SLC12A6: variants seen among roughly 807,000 people sequenced by gnomAD.
SLC12A6 encodes the protein solute carrier family 12 member 6, also known as K-Cl cotransporter 3.
Under a neutral mutation model 135.3 loss-of-function variants are expected in SLC12A6, and 66 were observed. The ratio of observed to expected loss-of-function variants is 0.49; its 90% CI spans 0.40 to 0.60. SLC12A6 has a LOEUF of 0.60. Among genes scored for constraint, SLC12A6 ranks in the 20% least tolerant of loss-of-function variants. The pLI, the probability that SLC12A6 is intolerant of heterozygous loss-of-function variation, is 0.00. For synonymous variants in SLC12A6, 513 were observed against 508.8 expected (o/e 1.01, Z -0.11); for missense variants, 1,058 against 1,452.3 (o/e 0.73, Z 4.41).
chr15:34,296,368 A>C (rs1003767429), intron 2 of SLC12A6, among the ~76,000 whole-genome samples: 31 of 152,176 alleles, frequency 2.0e-4, no homozygotes, highest in Non-Finnish European at 2.9e-5. Context: ...CCTGTGATAC[A>C]GATAGGAAAT....
At chr15:34,290,684 G>C (rs1895455960) in intron 2 of SLC12A6, among the ~76,000 whole-genome samples, 1 of 152,172 alleles carries the variant, frequency 6.6e-6, no homozygotes, top group African/African-American at 2.4e-5. Flanking sequence ...ATACATTTAG[G>C]ATAGTTAGCT....
rs1211726520 is a variant in SLC12A6 at position 34,235,171 on chromosome 15, G to A, written c.3361+10C>T. 1 of 1,613,296 alleles carries A rather than the reference G, an allele frequency of 6.2e-7. No homozygotes were observed. Among genetic ancestry groups the A allele is most frequent in the Non-Finnish European group, 8.5e-7 (1 of 1,179,370 alleles). ...TTCCCTACTGGAAGCCCCACTCTTG[G>A]AAAGGATACAGTTTTCATCACCCTC... On this transcript the variant is annotated intron_variant, in intron 25 of 25. Transcript: ENST00000354181.
chr15:34,266,372 T>C (rs1254468630), intron 3 of SLC12A6, among the ~76,000 whole-genome samples: 1 of 152,120 alleles, frequency 6.6e-6, no homozygotes, highest in Non-Finnish European at 1.5e-5. Flanking sequence ...CAAGAAGGCA[T>C]GACAGTTTTG....
chr15:34,236,894 A>C, intron 22 of SLC12A6, 79 bp from the exon 23 acceptor site: 1 of 824,588 alleles, frequency 1.2e-6, no homozygotes, highest in Non-Finnish European at 2.1e-6. Context: ...ATTTCCAGTC[A>C]CTAAATTAAA....
At chr15:34,278,632 C>A (rs1015349970) in intron 2 of SLC12A6, among the ~76,000 whole-genome samples, 1 of 151,882 alleles carries the variant, frequency 6.6e-6, no homozygotes. Flanking sequence ...AGTGCAGTAG[C>A]GCGATCTCGG....
intron 22 of SLC12A6, 24 bp downstream of exon 22, chr15:34,237,395 G>A (rs1201887173): frequency 1.9e-6 from 3 of 1,600,450 alleles, no homozygotes; most frequent in African/African-American, 1.3e-5. Context: ...TGAACCTCTT[G>A]TATCTCAAAC....
At chr15:34,280,873 T>C (rs1894628825) in intron 2 of SLC12A6, among the ~76,000 whole-genome samples, 1 of 152,138 alleles carries the variant, frequency 6.6e-6, no homozygotes, top group Admixed American at 6.6e-5. Context: ...AATCCTATCA[T>C]TCATAGCAAC....
Position 34,230,809 on chromosome 15 carries a change from C to G in SLC12A6, c.*3072G>C, listed in dbSNP as rs1009025986. On this transcript the variant is annotated 3_prime_UTR_variant, in exon 26 of 26. Transcript: ENST00000354181. The stretch of plus-strand genomic sequence containing the variant: ...CATGAATATAAATCTGGCCTAATAA[C>G]CAGTTTTCCATGTAACAGTGATTTT... The G allele has an allele frequency of 1.3e-5, 2 of 152,504 alleles. No individual in the cohort carries two copies. The highest frequency in any genetic ancestry group is 4.8e-5 in the African/African-American group (2 of 41,386). The allele number at this position is 152,504 out of a possible 1,614,324, so 9.4% of individuals were successfully genotyped here. A position where few individuals can be genotyped will look rare whatever the true frequency, so the allele number is the denominator to read the frequency against.
chr15:34,334,070 C>CA (rs142330391), intron 2 of SLC12A6, among the ~76,000 whole-genome samples: 1,466 of 79,812 alleles, frequency 0.018, 9 homozygotes, highest in Middle Eastern at 0.024. Context: ...AACTCCATCT[C>CA]AAAAAAAAAA....
intron 2 of SLC12A6, among the ~76,000 whole-genome samples, chr15:34,308,892 C>CAT (rs1271381812): frequency 6.6e-6 from 1 of 152,150 alleles, no homozygotes; most frequent in Non-Finnish European, 1.5e-5. Flanking sequence ...CAAATAATTA[C>CAT]ATATATGTTT....
Position 34,229,910 on chromosome 15 carries a change from CTT to C in SLC12A6, c.*3969_*3970del, listed in dbSNP as rs779723008. On this transcript the variant is annotated 3_prime_UTR_variant, in exon 26 of 26. Coordinates refer to ENST00000354181, the MANE Select transcript of SLC12A6 (RefSeq NM_001365088.1). ...TTATGTTAAAAAGAACCAAAAGACT[CTT>C]TTCTCCATGGTGGGGTGACAGGTCC... is the stretch of plus-strand genomic sequence containing the variant. 5 of 847,588 alleles carry C rather than the reference CTT, an allele frequency of 5.9e-6. No individual in the cohort carries two copies. The highest frequency in any genetic ancestry group is 1.5e-5 in the South Asian group (1 of 67,622). The allele number at this position is 847,588 out of a possible 1,614,324, so 52.5% of individuals were successfully genotyped here. A position where few individuals can be genotyped will look rare whatever the true frequency, so the allele number is the denominator to read the frequency against.
At chr15:34,265,137 C>T (rs1893414593) in intron 3 of SLC12A6, among the ~76,000 whole-genome samples, 1 of 152,188 alleles carries the variant, frequency 6.6e-6, no homozygotes, top group African/African-American at 2.4e-5. Context: ...GCGGAGCTTG[C>T]AGTGAGCCGA....
intron 23 of SLC12A6, among the ~76,000 whole-genome samples, chr15:34,236,449 A>G (rs1595398909): frequency 6.6e-6 from 1 of 152,000 alleles, no homozygotes; most frequent in Non-Finnish European, 1.5e-5. Flanking sequence ...GGGTTTAAGC[A>G]CTTCTCTGCC....
At chr15:34,306,883 A>G (rs1313502910) in intron 2 of SLC12A6, among the ~76,000 whole-genome samples, 1 of 152,220 alleles carries the variant, frequency 6.6e-6, no homozygotes, top group Non-Finnish European at 1.5e-5. Context: ...GACTCTGAAA[A>G]TAATTGTTAT....
In SLC12A6 at chr15:34,250,649, G is replaced by C; in HGVS notation, c.1573C>G (p.Leu525Val). Residue 525 changes from leucine to valine, a missense_variant, in exon 12 of 26, where the codon CTG becomes GTG. Physicochemically the swap from Leu to Val is conservative, Grantham distance 32. Coordinates refer to ENST00000354181, the MANE Select transcript of SLC12A6 (RefSeq NM_001365088.1). ...AGGATACAAACAAAGGAGGTGGTCA[G>C]GATGGCAAGGATAGTACCAATCGGA... ...SIPIGTILAI[L>V]TTSFVYLSNV... 1 of 1,584,592 alleles carries C rather than the reference G, an allele frequency of 6.3e-7. No homozygotes were observed. Among genetic ancestry groups the C allele is most frequent in the South Asian group, 1.1e-5 (1 of 90,400 alleles).
At chr15:34,312,681 T>C (rs1888344412) in intron 2 of SLC12A6, among the ~76,000 whole-genome samples, 1 of 152,238 alleles carries the variant, frequency 6.6e-6, no homozygotes. Flanking sequence ...CTTGTTTTAT[T>C]GTGCTGTGCT....
chr15:34,293,174 T>TA (rs1895658697), intron 2 of SLC12A6, among the ~76,000 whole-genome samples: 1 of 150,254 alleles, frequency 6.7e-6, no homozygotes, highest in Non-Finnish European at 1.5e-5. Flanking sequence ...ACGTGTTTTT[T>TA]AAAAAATCTT....
chr15:34,329,341 G>A (rs1383041677), intron 2 of SLC12A6, among the ~76,000 whole-genome samples: 1 of 152,242 alleles, frequency 6.6e-6, no homozygotes, highest in Non-Finnish European at 1.5e-5. Context: ...AGAAGCAGCA[G>A]CCATAATTCA....
chr15:34,280,744 G>A (rs1894622003), intron 2 of SLC12A6, among the ~76,000 whole-genome samples: 1 of 152,180 alleles, frequency 6.6e-6, no homozygotes, highest in South Asian at 2.1e-4. Context: ...GTTTATTGCA[G>A]CACTATTCAC....
Sources: allele counts gnomAD v4.1 joint callset (sites outside exome capture counted in the v4.1 genomes callset), GRCh38; gene constraint gnomAD v4.1.1; transcripts MANE v1.5; gene names NCBI Gene and HGNC (gene_info 2026-07-23, HGNC 2026-07-21).